The following EXTL3 variants were observed in gnomAD, a reference collection of about 807,000 sequenced individuals.
EXTL3 encodes exostosin-like 3.
Under a neutral mutation model 69.3 loss-of-function variants are expected in EXTL3, and 27 were observed. The ratio of observed to expected loss-of-function variants is 0.39; its 90% CI spans 0.29 to 0.54. EXTL3 has a LOEUF of 0.54. Among genes scored for constraint, EXTL3 ranks in the 20% least tolerant of loss-of-function variants. The pLI is 0.69. For synonymous variants in EXTL3, 511 were observed against 499.4 expected, an observed-to-expected ratio of 1.02 and a Z score of -0.31; for missense variants, 1,003 against 1,231.8, an observed-to-expected ratio of 0.81 and a Z score of 2.78.
chr8:28,742,308 C>G (rs1305002261), intron 5 of EXTL3: 1 of 152,156 alleles, frequency 6.6e-6, no homozygotes, highest in Non-Finnish European at 1.5e-5. Context: ...AAGCTGACAA[C>G]ATTCTGAAAA....
chr8:28,671,302 G>GTT (rs1198284012), intron 1 of EXTL3, among the ~76,000 whole-genome samples: 22 of 100,948 alleles, frequency 2.2e-4, no homozygotes, highest in East Asian at 6.9e-4. Flanking sequence ...TTTATGTTTT[G>GTT]TTTTTTGTTT....
At chr8:28,684,137 C>G (rs1807539120) in intron 1 of EXTL3, among the ~76,000 whole-genome samples, 1 of 152,158 alleles carries the variant, frequency 6.6e-6, no homozygotes, top group Admixed American at 6.6e-5. Context: ...ATAGTCCTCC[C>G]TTGTGTATAT....
At chr8:28,681,253 G>A (rs182614432) in intron 1 of EXTL3, among the ~76,000 whole-genome samples, 75 of 151,518 alleles carry the variant, frequency 4.9e-4, no homozygotes, top group South Asian at 2.3e-3. Context: ...ACTGGCTCAC[G>A]CCTGTAATCC....
chr8:28,622,987 G>A (rs1806438138), intron 1 of EXTL3, among the ~76,000 whole-genome samples: 1 of 152,072 alleles, frequency 6.6e-6, no homozygotes, highest in African/African-American at 2.4e-5. Flanking sequence ...CGTCCTGCCC[G>A]CGGGCCGGAC....
chr8:28,719,749 A>ATTTGAG (rs1290326421), intron 3 of EXTL3, among the ~76,000 whole-genome samples: 1 of 152,210 alleles, frequency 6.6e-6, no homozygotes, highest in Non-Finnish European at 1.5e-5. Context: ...TGTGAAAGAT[A>ATTTGAG]GATGCTCCTC....
intron 1 of EXTL3, among the ~76,000 whole-genome samples, chr8:28,662,075 G>A (rs1342501810): frequency 1.3e-5 from 2 of 151,712 alleles, no homozygotes; most frequent in African/African-American, 2.4e-5. Flanking sequence ...ATATATGAGT[G>A]TAACCTACGC....
chr8:28,693,432 T>A (rs926903033), intron 1 of EXTL3, among the ~76,000 whole-genome samples: 2 of 152,168 alleles, frequency 1.3e-5, no homozygotes, highest in Non-Finnish European at 2.9e-5. Flanking sequence ...ATTATAGGCA[T>A]GAGCCACAGT....
At chr8:28,673,769 A>G (rs1415245337) in intron 1 of EXTL3, among the ~76,000 whole-genome samples, 1 of 152,176 alleles carries the variant, frequency 6.6e-6, no homozygotes, top group African/African-American at 2.4e-5. Context: ...CTATCTATAT[A>G]TAGAGATATC....
chr8:28,693,825 C>T (rs550833391), intron 1 of EXTL3, among the ~76,000 whole-genome samples: 1 of 152,332 alleles, frequency 6.6e-6, no homozygotes, highest in Non-Finnish European at 1.5e-5. Flanking sequence ...AACCTTGGAA[C>T]CTCAATCTAG....
At chr8:28,683,775 A>C (rs1036461973) in intron 1 of EXTL3, among the ~76,000 whole-genome samples, 4 of 151,676 alleles carry the variant, frequency 2.6e-5, no homozygotes, top group African/African-American at 9.7e-5. Flanking sequence ...GCCCCACTGC[A>C]CTCCAGCCTG....
chr8:28,709,994 G>C lies in EXTL3; in HGVS notation c.-569-3463G>C, dbSNP rs568631150. On this transcript the variant is annotated intron_variant, in intron 1 of 6. Coordinates refer to ENST00000220562, the MANE Select transcript of EXTL3 (RefSeq NM_001440.4). ...GGTTCAGCCCTCCAATGAGGAGCTAGCAGATGGCGACTTCTGCTTTGCATT... is the reference window on the plus strand; with the variant it reads ...GGTTCAGCCCTCCAATGAGGAGCTACCAGATGGCGACTTCTGCTTTGCATT... Among the ~76,000 whole-genome samples the C allele has an allele frequency of 1.4e-3, 211 of 152,316 alleles. 2 individuals are homozygous for C. Among genetic ancestry groups the C allele is most frequent in the African/African-American group, 4.8e-3 (199 of 41,574 alleles).
At chr8:28,729,138 T>TA (rs909818465) in intron 3 of EXTL3, among the ~76,000 whole-genome samples, 3 of 150,470 alleles carry the variant, frequency 2.0e-5, no homozygotes, top group African/African-American at 2.5e-5. Context: ...TCTACAAAGA[T>TA]AAAAAAATTA....
rs1166063086 is a variant in EXTL3 at position 28,753,645 on chromosome 8, G to A, written c.*2779G>A. ...TCACGAGCACAATGGTCTTACATTGGATTTTTGTAAAAAAATAAAAATAAA... is the reference window on the plus strand; with the variant it reads ...TCACGAGCACAATGGTCTTACATTGAATTTTTGTAAAAAAATAAAAATAAA... On this transcript the variant is annotated 3_prime_UTR_variant, in exon 7 of 7. Coordinates refer to ENST00000220562, the MANE Select transcript of EXTL3 (RefSeq NM_001440.4). The A allele has an allele frequency of 6.6e-6, 1 of 152,606 alleles. No individual in the cohort carries two copies. The highest frequency in any genetic ancestry group is 1.5e-5 in the Non-Finnish European group (1 of 68,046). The allele number at this position is 152,606 out of a possible 1,614,324, so 9.5% of individuals were successfully genotyped here.
upstream of EXTL3, chr8:28,700,599 C>T (rs750405391): frequency 5.3e-5 from 8 of 152,110 alleles, no homozygotes; most frequent in Non-Finnish European, 1.0e-4. Context: ...TTCTCCAGGT[C>T]CTGTGTGTTT....
At chr8:28,665,814 A>G (rs1807188509) in intron 1 of EXTL3, among the ~76,000 whole-genome samples, 1 of 152,040 alleles carries the variant, frequency 6.6e-6, no homozygotes. Flanking sequence ...TTTTCTGGAT[A>G]GGTTTTCTAT....
chr8:28,629,407 A>C (rs1470341182), intron 1 of EXTL3, among the ~76,000 whole-genome samples: 18 of 150,404 alleles, frequency 1.2e-4, no homozygotes, highest in African/African-American at 4.5e-4. Context: ...CGTTAGAGTG[A>C]GTTAGTTCAT....
At chr8:28,636,499 G>A (rs924915038) in intron 1 of EXTL3, among the ~76,000 whole-genome samples, 5 of 152,160 alleles carry the variant, frequency 3.3e-5, no homozygotes, top group Admixed American at 6.5e-5. Flanking sequence ...CTCTCTCCAA[G>A]GGCAATATCT....
At chr8:28,709,454 A>C (rs546006381) in intron 1 of EXTL3, among the ~76,000 whole-genome samples, 2 of 152,270 alleles carry the variant, frequency 1.3e-5, no homozygotes, top group Non-Finnish European at 2.9e-5. Context: ...CGTGGAAGGC[A>C]TAACAGCCAG....
At position 28,643,710 on chromosome 8, in the gene EXTL3, G is replaced by A. The variant is rs147388771; in HGVS notation, c.-53+20900G>A. The stretch of plus-strand genomic sequence containing the variant: ...TGGTATTACAGGCGTGAGCCACCGC[G>A]CCTGGCCTCTCCTGCTTTCTTTTAT... On this transcript the variant is annotated intron_variant, in intron 1 of 6. Coordinates refer to the EXTL3 transcript ENST00000523149. 3.0e-3 allele frequency among the ~76,000 whole-genome samples: 452 copies of A among 152,052 alleles called. 2 individuals are homozygous for A. Among genetic ancestry groups the A allele is most frequent in the African/African-American group, 0.011 (439 of 41,480 alleles).
Sources: gnomAD v4.1 joint callset for allele counts (sites outside exome capture counted in the v4.1 genomes callset) on GRCh38, gnomAD v4.1.1 for gene constraint, MANE v1.5 for transcripts, NCBI Gene and HGNC (gene_info 2026-07-23, HGNC 2026-07-21) for gene names.